Variants in LIMCH1 observed in about 807,000 individuals in gnomAD.
LIMCH1 encodes the protein LIM and calponin homology domains-containing protein 1.
LIMCH1 carries 113 observed loss-of-function variants against 176.5 expected under a neutral mutation model. The ratio of observed to expected loss-of-function variants is 0.64; its 90% CI spans 0.55 to 0.75. The LOEUF (loss-of-function observed/expected upper bound fraction) is 0.75, where lower values mean the gene tolerates loss of function less well. LIMCH1 is among the 30% of genes least tolerant of loss of function. The pLI is 0.00. For synonymous variants in LIMCH1, 619 were observed against 645.9 expected, an observed-to-expected ratio of 0.96 and a Z score of 0.63; for missense variants, 1,674 against 1,814.9, an observed-to-expected ratio of 0.92 and a Z score of 1.41.
intron 1 of LIMCH1, among the ~76,000 whole-genome samples, chr4:41,386,878 A>G (rs937563964): frequency 4.6e-5 from 7 of 152,200 alleles, no homozygotes; most frequent in Non-Finnish European, 1.0e-4. Flanking sequence ...ATATGGTAGG[A>G]AAAGGAATTG....
chr4:41,679,932 T>C, intron 23 of LIMCH1, 74 bp from the exon 24 acceptor site: 1 of 881,632 alleles, frequency 1.1e-6, no homozygotes, highest in Non-Finnish European at 1.8e-6. Flanking sequence ...TTGTACATGG[T>C]GGTTTAGGGG....
chr4:41,479,596 G>T (rs2068264197), intron 1 of LIMCH1, among the ~76,000 whole-genome samples: 1 of 152,124 alleles, frequency 6.6e-6, no homozygotes, highest in Non-Finnish European at 1.5e-5. Flanking sequence ...ATCATCAAAT[G>T]ACCAGTATAT....
rs755171195 is a variant in LIMCH1, at chr4:41,661,475, A to G, written c.3092A>G (p.Lys1031Arg). ...CAAGAGGACAAGAATGATGGTGGAAAATCAAGAAAAGGGAATATAGAACTT... is the reference window on the plus strand; with the variant it reads ...CAAGAGGACAAGAATGATGGTGGAAGATCAAGAAAAGGGAATATAGAACTT... ...NSQEDKNDGG[K>R]SRKGNIELAS... is the part of the protein sequence containing the mutation. The change falls in exon 19 of 32, where the codon AAA becomes AGA. Residue 1031 changes from lysine to arginine, a missense_variant. Around this residue, in one of 3 missense-constraint regions of LIMCH1, gnomAD observed 1,015 missense variants for 1,102.5 expected, o/e 0.92. Transcript: ENST00000503057. 1 of 1,613,412 alleles carries G rather than the reference A, an allele frequency of 6.2e-7. No homozygotes were observed.
At chr4:41,385,410 G>A (rs1280203299) in intron 1 of LIMCH1, among the ~76,000 whole-genome samples, 3 of 152,124 alleles carry the variant, frequency 2.0e-5, no homozygotes, top group Non-Finnish European at 1.5e-5. Flanking sequence ...AATGTTTTGA[G>A]TGATACAGAA....
At chr4:41,637,163 T>C (rs1345969807) in intron 13 of LIMCH1, among the ~76,000 whole-genome samples, 1 of 142,850 alleles carries the variant, frequency 7.0e-6, no homozygotes, top group East Asian at 1.9e-4. Context: ...AGAATTAATA[T>C]TGCCCTTGCA....
chr4:41,631,675 C>T (rs1015026906), intron 10 of LIMCH1, among the ~76,000 whole-genome samples, 198 bp downstream of exon 10: 1 of 152,226 alleles, frequency 6.6e-6, no homozygotes, highest in Non-Finnish European at 1.5e-5. Flanking sequence ...CATTTTGATT[C>T]TGTTGTCACC....
chr4:41,415,907 G>C (rs772554324), intron 1 of LIMCH1, among the ~76,000 whole-genome samples: 4 of 151,946 alleles, frequency 2.6e-5, no homozygotes, highest in Non-Finnish European at 5.9e-5. Flanking sequence ...AACCCGGGAG[G>C]TGGAGGTTGC....
At chr4:41,434,637 C>G (rs1055294620) in intron 1 of LIMCH1, among the ~76,000 whole-genome samples, 2 of 152,204 alleles carry the variant, frequency 1.3e-5, no homozygotes, top group Non-Finnish European at 2.9e-5. Context: ...CTGCCTCAGC[C>G]TCCTGAGTAG....
chr4:41,361,568 C>G (rs1235846047), intron 1 of LIMCH1, among the ~76,000 whole-genome samples: 1 of 152,220 alleles, frequency 6.6e-6, no homozygotes, highest in East Asian at 1.9e-4. Flanking sequence ...TTGGCAACCC[C>G]CGCCCCTCTC....
chr4:41,639,348 G>A (rs749887727), intron 14 of LIMCH1, among the ~76,000 whole-genome samples: 5 of 152,166 alleles, frequency 3.3e-5, no homozygotes, highest in African/African-American at 4.8e-5. Flanking sequence ...TAACAATGAG[G>A]TAGTCATTCC....
intron 1 of LIMCH1, among the ~76,000 whole-genome samples, chr4:41,541,900 C>A (rs2078706352): frequency 6.6e-6 from 1 of 152,184 alleles, no homozygotes; most frequent in African/African-American, 2.4e-5. Context: ...GGCCCTTTCC[C>A]TGCAAATACC....
intron 1 of LIMCH1, among the ~76,000 whole-genome samples, chr4:41,371,723 G>A (rs182520577): frequency 3.9e-5 from 6 of 152,238 alleles, no homozygotes; most frequent in East Asian, 3.9e-4. Context: ...CTGATCCCAC[G>A]TAGCTCCTGA....
At chr4:41,675,059 A>G (rs190912384) in intron 22 of LIMCH1, among the ~76,000 whole-genome samples, 157 of 152,312 alleles carry the variant, frequency 1.0e-3, no homozygotes, top group Non-Finnish European at 1.9e-3. Context: ...GGGTTTGACT[A>G]TTCTGTGAGC....
chr4:41,509,414 G>T (rs758866236), intron 2 of LIMCH1, among the ~76,000 whole-genome samples: 7 of 152,156 alleles, frequency 4.6e-5, no homozygotes, highest in Non-Finnish European at 8.8e-5. Flanking sequence ...GCAAACTTGG[G>T]TCCTTTTTCC....
chr4:41,514,047 A>T (rs1375832412), intron 2 of LIMCH1, among the ~76,000 whole-genome samples: 3 of 145,770 alleles, frequency 2.1e-5, no homozygotes, highest in African/African-American at 2.6e-5. Flanking sequence ...AAAAAAAAAA[A>T]TTATTAACGA....
At chr4:41,464,274 C>T (rs1045194792) in intron 1 of LIMCH1, among the ~76,000 whole-genome samples, 3 of 151,828 alleles carry the variant, frequency 2.0e-5, no homozygotes, top group African/African-American at 7.3e-5. Flanking sequence ...ATGCCATCTC[C>T]TCCCCTGGAA....
intron 1 of LIMCH1, among the ~76,000 whole-genome samples, chr4:41,580,694 G>A (rs1584419931): frequency 6.6e-6 from 1 of 152,106 alleles, no homozygotes; most frequent in East Asian, 1.9e-4. Flanking sequence ...GAAATTAAAG[G>A]GATAGAATAA....
intron 1 of LIMCH1, among the ~76,000 whole-genome samples, chr4:41,474,876 G>C (rs143046129): frequency 2.1e-3 from 325 of 152,274 alleles, no homozygotes; most frequent in South Asian, 7.2e-3. Flanking sequence ...CTGTGTTCCC[G>C]TGTTGACTGC....
intron 1 of LIMCH1, among the ~76,000 whole-genome samples, chr4:41,482,134 C>A (rs1366808251): frequency 6.6e-6 from 1 of 152,144 alleles, no homozygotes; most frequent in Non-Finnish European, 1.5e-5. Context: ...TCCCAAAGTG[C>A]TGGGATTACA....
Sources: gnomAD v4.1 joint callset for allele counts (sites outside exome capture counted in the v4.1 genomes callset) on GRCh38, gnomAD v4.1.1 for gene constraint, gnomAD v4.1.1 regional missense constraint, MANE v1.5 for transcripts, NCBI Gene and HGNC (gene_info 2026-07-23, HGNC 2026-07-21) for gene names.